The following KHDRBS2 variants were observed in gnomAD, a reference collection of about 807,000 sequenced individuals.
The protein encoded by KHDRBS2 is KH RNA binding domain containing, signal transduction associated 2.
In KHDRBS2, 26 loss-of-function variants were observed where a neutral mutation model predicts 44.3. The observed-to-expected ratio is 0.59, with a 90% CI of 0.43 to 0.81. KHDRBS2 has a LOEUF of 0.81. KHDRBS2 is among the 40% of genes least tolerant of loss of function. KHDRBS2 has a pLI of 0.00. For synonymous variants in KHDRBS2, 194 were observed against 151.1 expected (o/e 1.28, Z -2.08); for missense variants, 476 against 433.1 (o/e 1.10, Z -0.88).
chr6:61,558,825 T>C, the KHDRBS2 span, among the ~76,000 whole-genome samples: 1 of 152,192 alleles, frequency 6.6e-6, no homozygotes, highest in Non-Finnish European at 1.5e-5. Context: ...AGGCTTGGTT[T>C]TGGGGCCTAA....
At chr6:62,084,919 G>T (rs571601650) in intron 2 of KHDRBS2, among the ~76,000 whole-genome samples, 2 of 152,020 alleles carry the variant, frequency 1.3e-5, no homozygotes, top group African/African-American at 2.4e-5. Flanking sequence ...AGTGAATTCT[G>T]AATTCTTATG....
At chr6:61,655,148 C>T in the KHDRBS2 span, among the ~76,000 whole-genome samples, 1 of 151,468 alleles carries the variant, frequency 6.6e-6, no homozygotes, top group African/African-American at 2.4e-5. Flanking sequence ...TTATAGAAAT[C>T]CCAGGACTAT....
chr6:61,945,769 G>GA lies in KHDRBS2; in HGVS notation c.483+32296dup, dbSNP rs553416854. 2.7e-3 allele frequency among the ~76,000 whole-genome samples: 396 copies of GA among 148,968 alleles called. 3 individuals carry two copies. The highest frequency in any genetic ancestry group is 8.3e-3 in the African/African-American group (337 of 40,750). On this transcript the variant is annotated intron_variant, in intron 4 of 8. Transcript: ENST00000281156. ...TTGAGACCGTCAAGCAAAAACCCAT[G>GA]AAAAAAAAATATGACAGGATTCCTA...
At chr6:62,275,006 A>AAC (rs1372427246) in intron 1 of KHDRBS2, among the ~76,000 whole-genome samples, 19 of 80,594 alleles carry the variant, frequency 2.4e-4, no homozygotes, top group African/African-American at 5.4e-5. Context: ...TCGCTCATCA[A>AAC]ATACACACAC....
At chr6:62,012,421 C>A (rs1248032571) in intron 3 of KHDRBS2, among the ~76,000 whole-genome samples, 4 of 152,154 alleles carry the variant, frequency 2.6e-5, no homozygotes, top group African/African-American at 9.7e-5. Flanking sequence ...TTCCACTAAA[C>A]AGGAGAAAGC....
At chr6:61,570,771 T>C in the KHDRBS2 span, among the ~76,000 whole-genome samples, 20 of 152,084 alleles carry the variant, frequency 1.3e-4, no homozygotes, top group African/African-American at 4.1e-4. Context: ...ATCTTTAGCT[T>C]CCTAAAACAA....
At chr6:62,183,452 G>A (rs1227959113) in intron 1 of KHDRBS2, among the ~76,000 whole-genome samples, 1 of 151,382 alleles carries the variant, frequency 6.6e-6, no homozygotes, top group Admixed American at 6.6e-5. Context: ...CAATTACATA[G>A]AACTATTTAT....
intron 2 of KHDRBS2, among the ~76,000 whole-genome samples, chr6:62,170,702 C>T (rs1229528629): frequency 6.6e-6 from 1 of 152,102 alleles, no homozygotes; most frequent in Non-Finnish European, 1.5e-5. Flanking sequence ...TTGGCTGGCA[C>T]TCCCCATCAA....
intron 2 of KHDRBS2, among the ~76,000 whole-genome samples, chr6:62,101,273 A>C (rs1173348163): frequency 1.3e-5 from 2 of 152,124 alleles, no homozygotes; most frequent in African/African-American, 4.8e-5. Context: ...TTATATTACA[A>C]GATATCAACA....
chr6:61,750,969 T>C (rs939936765), intron 6 of KHDRBS2, among the ~76,000 whole-genome samples: 2 of 152,020 alleles, frequency 1.3e-5, no homozygotes, highest in Non-Finnish European at 2.9e-5. Flanking sequence ...CATATACGAC[T>C]AAAAATACAA....
At chr6:61,771,691 T>A (rs1164538800) in intron 6 of KHDRBS2, among the ~76,000 whole-genome samples, 4 of 152,172 alleles carry the variant, frequency 2.6e-5, no homozygotes, top group Non-Finnish European at 5.9e-5. Flanking sequence ...ATAAAGCAAG[T>A]CTTTAGTGAC....
chr6:61,875,176 G>A (rs1251977520), intron 6 of KHDRBS2, among the ~76,000 whole-genome samples: 1 of 151,820 alleles, frequency 6.6e-6, no homozygotes, highest in Admixed American at 6.6e-5. Context: ...GTGTGTGGGC[G>A]TGGTGGGGGC....
At chr6:61,628,210 CTTTTTTTTTTT>C in the KHDRBS2 span, among the ~76,000 whole-genome samples, 41 of 82,318 alleles carry the variant, frequency 5.0e-4, no homozygotes, top group African/African-American at 2.2e-3. Flanking sequence ...CATGTGTAGC[CTTTTTTTTTTT>C]TTTTTTTTTT....
intron 8 of KHDRBS2, among the ~76,000 whole-genome samples, chr6:61,694,250 T>C (rs571623205): frequency 6.6e-6 from 1 of 152,290 alleles, no homozygotes. Flanking sequence ...ATGGCTTACA[T>C]GTGTTAGCCA....
At chr6:61,613,537 C>G in the KHDRBS2 span, among the ~76,000 whole-genome samples, 1 of 152,162 alleles carries the variant, frequency 6.6e-6, no homozygotes, top group Non-Finnish European at 1.5e-5. Flanking sequence ...ATCTGTCCAG[C>G]TAAGGCATTT....
chr6:62,160,833 T>C (rs1393651188), intron 2 of KHDRBS2, among the ~76,000 whole-genome samples: 3 of 152,106 alleles, frequency 2.0e-5, no homozygotes, highest in Admixed American at 2.0e-4. Context: ...ATATAAAATA[T>C]TACTATATTT....
At chr6:62,278,273 T>C (rs1841292678) in intron 1 of KHDRBS2, among the ~76,000 whole-genome samples, 1 of 152,192 alleles carries the variant, frequency 6.6e-6, no homozygotes, top group Admixed American at 6.5e-5. Context: ...AAGCTGATGA[T>C]ACTACACAGT....
intron 2 of KHDRBS2, among the ~76,000 whole-genome samples, chr6:62,121,433 A>T (rs182874150): frequency 1.1e-3 from 166 of 152,326 alleles, no homozygotes; most frequent in African/African-American, 3.5e-3. Flanking sequence ...ATGACAGTAC[A>T]TTATAACAAG....
the KHDRBS2 span, among the ~76,000 whole-genome samples, chr6:61,639,444 T>C: frequency 6.6e-6 from 1 of 152,078 alleles, no homozygotes; most frequent in South Asian, 2.1e-4. Flanking sequence ...CTATCACAGA[T>C]TGAGCTTTCT....
Sources: gnomAD v4.1 joint callset for allele counts (sites outside exome capture counted in the v4.1 genomes callset) on GRCh38, gnomAD v4.1.1 for gene constraint, MANE v1.5 for transcripts, NCBI Gene and HGNC (gene_info 2026-07-23, HGNC 2026-07-21) for gene names.